ZNF678: variants seen among roughly 807,000 people sequenced by gnomAD.
ZNF678 encodes the protein zinc finger protein 678, also known as hypothetical protein MGC42493.
ZNF678 carries 5 observed loss-of-function variants against 3.0 expected under a neutral mutation model. The ratio of observed to expected loss-of-function variants is 1.69; its 90% confidence interval spans 0.88 to 3.56. The LOEUF (loss-of-function observed/expected upper bound fraction) is 3.56, where lower values mean the gene tolerates loss of function less well. Among genes scored for constraint, ZNF678 ranks in the 30% most tolerant of loss-of-function variants. ZNF678 has a pLI of 0.00. For synonymous variants in ZNF678, 218 were observed against 199.6 expected, an observed-to-expected ratio of 1.09 and a Z score of -0.78; for missense variants, 593 against 605.0, an observed-to-expected ratio of 0.98 and a Z score of 0.21.
chr1:227,575,883 T>C (rs2102721511), intron 1 of ZNF678, among the ~76,000 whole-genome samples: 1 of 152,330 alleles, frequency 6.6e-6, no homozygotes, highest in Non-Finnish European at 1.5e-5. Context: ...TGTGGGTTTC[T>C]TGTATATGGC....
At chr1:227,566,078 C>G (rs1345585026) in intron 1 of ZNF678, among the ~76,000 whole-genome samples, 1 of 152,218 alleles carries the variant, frequency 6.6e-6, no homozygotes, top group African/African-American at 2.4e-5. Context: ...CACTCTTATC[C>G]TAGTCCTGAA....
In ZNF678 at chr1:227,655,087, C is replaced by A. The variant is rs548912382; in HGVS notation, c.837C>A (p.His279Gln). The A allele has an allele frequency of 4.3e-5, 69 of 1,609,888 alleles. 3 individuals are homozygous for A. The South Asian group carries it at 7.0e-4, about 16-fold the overall frequency. The change falls in exon 4 of 4, where the codon CAC (histidine) becomes CAA (glutamine). Residue 279 changes from histidine (H) to glutamine (Q), a missense_variant. Transcript: ENST00000343776. ...ECGNVFNECS[H>Q]LTRHRRIHTG... Reference sequence around the variant, plus strand: ...GCAACGTTTTTAATGAGTGCTCACACCTAACTAGACATAGGAGAATTCATA... The same window carrying A: ...GCAACGTTTTTAATGAGTGCTCACAACTAACTAGACATAGGAGAATTCATA...
At chr1:227,674,318 T>G (rs1280353091) in intron 5 of ZNF678, among the ~76,000 whole-genome samples, 2 of 152,248 alleles carry the variant, frequency 1.3e-5, no homozygotes, top group Non-Finnish European at 2.9e-5. Flanking sequence ...CAAACACATC[T>G]GCTTTCATCT....
intron 1 of ZNF678, among the ~76,000 whole-genome samples, chr1:227,624,279 T>C (rs1658352791): frequency 6.6e-6 from 1 of 152,220 alleles, no homozygotes; most frequent in African/African-American, 2.4e-5. Flanking sequence ...CAGAGCATGA[T>C]GGCTGAATAG....
In ZNF678 at chr1:227,654,546, G is replaced by T. The variant is rs148489166; in HGVS notation, c.296G>T (p.Cys99Phe). 6.2e-7 allele frequency: 1 copy of T among 1,613,168 alleles called. No individual in the cohort carries two copies. Among genetic ancestry groups the T allele is most frequent in the African/African-American group, 1.3e-5 (1 of 74,892 alleles). ...CSSTKSKIFQ[C>F]IECGRNFSWR... ...TCAACTAAAAGCAAAATCTTTCAAT[G>T]TATTGAATGTGGCAGAAATTTTAGC... Residue 99 changes from cysteine to phenylalanine, a missense_variant, in exon 4 of 4, where the codon TGT becomes TTT. By Grantham distance (205) the Cys-to-Phe change is radical. Transcript: ENST00000343776.
chr1:227,650,889 T>A, intron 2 of ZNF678, 67 bp from the exon 3 acceptor site: 2 of 1,285,310 alleles, frequency 1.6e-6, no homozygotes, highest in Non-Finnish European at 2.2e-6. Context: ...AACAGCAGTA[T>A]TTTTACTTCT....
Position 227,658,686 on chromosome 1 carries a change from A to G in ZNF678, c.*2858A>G, listed in dbSNP as rs1659319610. ...GAATTTGAAATTTTTAATATAGTGA[A>G]AAATTGGATTTAACTGGAGAGTTTG... On this transcript the variant is annotated 3_prime_UTR_variant, in exon 4 of 4. Transcript: ENST00000343776. The G allele has an allele frequency of 6.6e-6, 1 of 152,084 alleles. No homozygotes were observed. Among genetic ancestry groups the G allele is most frequent in the Admixed American group, 6.6e-5 (1 of 15,246 alleles). 9.4% of individuals were successfully genotyped at this position (152,084 alleles called of 1,614,324 possible).
rs75426866 is a variant in ZNF678, at chr1:227,672,808, C to T, written c.227-4371C>T. ...GAAAATTATTGTCCCCTTTCTGAGG[C>T]TCTGACACAGTCACCTGGGACAAAA... On this transcript the variant is annotated intron_variant, in intron 5 of 5. Transcript: ENST00000608949. Among the ~76,000 whole-genome samples, 777 of 152,276 alleles carry T rather than the reference C, an allele frequency of 5.1e-3. 8 individuals carry two copies. Among genetic ancestry groups the T allele is most frequent in the African/African-American group, 0.018 (746 of 41,548 alleles).
chr1:227,642,189 A>G (rs1460486746), intron 1 of ZNF678, among the ~76,000 whole-genome samples: 1 of 152,186 alleles, frequency 6.6e-6, no homozygotes, highest in African/African-American at 2.4e-5. Flanking sequence ...TGAACTGAGG[A>G]TGGATAGAAA....
chr1:227,595,035 C>T (rs1180093627), intron 1 of ZNF678, among the ~76,000 whole-genome samples: 3 of 152,168 alleles, frequency 2.0e-5, no homozygotes, highest in African/African-American at 4.8e-5. Flanking sequence ...TTTCGGGATA[C>T]GCCCTTGTTT....
intron 5 of ZNF678, among the ~76,000 whole-genome samples, chr1:227,670,008 T>A (rs756239756): frequency 3.9e-5 from 6 of 152,132 alleles, no homozygotes; most frequent in Non-Finnish European, 8.8e-5. Context: ...CATGGAATAA[T>A]ATGAAGCTAT....
intron 1 of ZNF678, among the ~76,000 whole-genome samples, chr1:227,597,259 T>C (rs1399454522): frequency 6.6e-6 from 1 of 152,050 alleles, no homozygotes; most frequent in African/African-American, 2.4e-5. Flanking sequence ...TTGTTTGTGG[T>C]TTAAGAAGGC....
At chr1:227,632,784 T>C (rs746891510) in intron 1 of ZNF678, among the ~76,000 whole-genome samples, 5 of 152,190 alleles carry the variant, frequency 3.3e-5, no homozygotes, top group Non-Finnish European at 7.3e-5. Flanking sequence ...GGAGAATCCC[T>C]GTATGGGCTA....
intron 1 of ZNF678, among the ~76,000 whole-genome samples, chr1:227,620,348 C>T (rs1004019775): frequency 6.6e-6 from 1 of 152,066 alleles, no homozygotes; most frequent in African/African-American, 2.4e-5. Context: ...ATTAATATTC[C>T]ACTTACATTG....
At chr1:227,650,915 A>G in intron 2 of ZNF678, 41 bp from the exon 3 acceptor site, 4 of 1,485,628 alleles carry the variant, frequency 2.7e-6, no homozygotes, top group Non-Finnish European at 1.8e-6. Flanking sequence ...TTCAATTTTT[A>G]TGGCTTTTAA....
chr1:227,583,101 A>T (rs1657170606), intron 1 of ZNF678, among the ~76,000 whole-genome samples: 1 of 152,080 alleles, frequency 6.6e-6, no homozygotes, highest in Admixed American at 6.5e-5. Context: ...CTTATTATGT[A>T]TCCGTTGCTC....
intron 1 of ZNF678, among the ~76,000 whole-genome samples, chr1:227,645,687 A>C (rs1479289465): frequency 1.3e-5 from 2 of 152,220 alleles, no homozygotes; most frequent in Non-Finnish European, 2.9e-5. Context: ...GGAGCTTCGC[A>C]TGAAACTGAT....
intron 1 of ZNF678, among the ~76,000 whole-genome samples, chr1:227,575,127 G>C (rs527969338): frequency 6.6e-6 from 1 of 152,300 alleles, no homozygotes; most frequent in South Asian, 2.1e-4. Context: ...CCAATACCAT[G>C]CTGTTTTGGT....
chr1:227,660,873 A>G lies in ZNF678; in HGVS notation c.*5045A>G, dbSNP rs1659387238. On this transcript the variant is annotated 3_prime_UTR_variant, in exon 4 of 4. Coordinates refer to ENST00000343776, the MANE Select transcript of ZNF678 (RefSeq NM_001367909.1). ...TGGCCTTTATTGGCTTGAGGTATGT[A>G]TGTTCTATATGTAATTTGTTTTGAG... The G allele has an allele frequency of 6.6e-6, 1 of 152,158 alleles. No homozygotes were observed. Among genetic ancestry groups the G allele is most frequent in the Non-Finnish European group, 1.5e-5 (1 of 68,012 alleles). The allele number at this position is 152,158 out of a possible 1,614,324, so 9.4% of individuals were successfully genotyped here. A position where few individuals can be genotyped will look rare whatever the true frequency, so the allele number is the denominator to read the frequency against.
Sources: allele counts gnomAD v4.1 joint callset (sites outside exome capture counted in the v4.1 genomes callset), GRCh38; gene constraint gnomAD v4.1.1; transcripts MANE v1.5; gene names NCBI Gene and HGNC (gene_info 2026-07-23, HGNC 2026-07-21).